The following GRIN2A variants were observed in gnomAD, a reference collection of about 807,000 sequenced individuals.
The protein encoded by GRIN2A is glutamate receptor ionotropic, NMDA 2A.
In GRIN2A, 22 loss-of-function variants were observed where a neutral mutation model predicts 113.4. The ratio of observed to expected loss-of-function variants is 0.19; its 90% CI spans 0.14 to 0.28. GRIN2A has a LOEUF of 0.28. GRIN2A is among the 10% of genes least tolerant of loss of function. The pLI, the probability that GRIN2A is intolerant of heterozygous loss-of-function variation, is 1.00. For missense variants in GRIN2A, 1,502 were observed against 1,887.0 expected, an observed-to-expected ratio of 0.80 and a Z score of 3.78; for synonymous variants, 827 against 738.4, an observed-to-expected ratio of 1.12 and a Z score of -1.94.
At chr16:10,174,356 G>T (rs932401902) in intron 2 of GRIN2A, among the ~76,000 whole-genome samples, 2 of 152,168 alleles carry the variant, frequency 1.3e-5, no homozygotes, top group Non-Finnish European at 2.9e-5. Flanking sequence ...GCTGACATGG[G>T]CTCTGGCTTA....
At chr16:10,166,592 A>G (rs1379008358) in intron 2 of GRIN2A, among the ~76,000 whole-genome samples, 1 of 152,210 alleles carries the variant, frequency 6.6e-6, no homozygotes, top group Non-Finnish European at 1.5e-5. Context: ...CCGTGAATAC[A>G]ATCATACTGC....
At chr16:10,138,044 A>G (rs2142243217) in intron 2 of GRIN2A, among the ~76,000 whole-genome samples, 1 of 152,346 alleles carries the variant, frequency 6.6e-6, no homozygotes, top group Middle Eastern at 3.4e-3. Flanking sequence ...TGAGACTCTG[A>G]CCATATGAAT....
chr16:10,130,179 A>G (rs1448257), intron 2 of GRIN2A, among the ~76,000 whole-genome samples: 10,787 of 152,298 alleles, frequency 0.071, 461 homozygotes, highest in African/African-American at 0.11. Context: ...CTGGGAAATG[A>G]TAGAGGCAGA....
At chr16:9,929,069 C>A (rs2044531051) in intron 3 of GRIN2A, among the ~76,000 whole-genome samples, 1 of 152,182 alleles carries the variant, frequency 6.6e-6, no homozygotes, top group South Asian at 2.1e-4. Context: ...TCTTTCTCTC[C>A]AACATTCTCC....
chr16:10,068,427 G>C (rs140290535), intron 2 of GRIN2A, among the ~76,000 whole-genome samples: 2,192 of 152,300 alleles, frequency 0.014, 29 homozygotes, highest in South Asian at 0.065. Flanking sequence ...AGGTGAAGGG[G>C]GAGCAGGCAC....
chr16:9,812,029 A>C (rs570593645), intron 10 of GRIN2A, among the ~76,000 whole-genome samples: 6 of 152,224 alleles, frequency 3.9e-5, no homozygotes, highest in Non-Finnish European at 7.3e-5. Context: ...TGAAGTAAAA[A>C]TATGACGAAA....
At position 10,097,853 on chromosome 16, in the gene GRIN2A, C is replaced by G. The variant is rs186661218; in HGVS notation, c.414+82145G>C. On this transcript the variant is annotated intron_variant, in intron 2 of 12. Coordinates refer to ENST00000330684, the MANE Select transcript of GRIN2A (RefSeq NM_001134407.3). Reference sequence around the variant, plus strand: ...ACCATAAAAATTCTAGAAGGTAACACGGGAAAATCCCTTCTAGACATTGGA... The same window carrying G: ...ACCATAAAAATTCTAGAAGGTAACAGGGGAAAATCCCTTCTAGACATTGGA... Among the ~76,000 whole-genome samples the G allele has an allele frequency of 3.9e-5, 6 of 152,214 alleles. No individual in the cohort carries two copies. In the East Asian group the frequency reaches 1.2e-3, roughly 29 times the overall value.
Position 9,760,676 on chromosome 16 carries a change from T to G in GRIN2A, c.*2473A>C, listed in dbSNP as rs1469104357. The G allele has an allele frequency of 1.8e-5, 4 of 226,060 alleles. No homozygotes were observed. The highest frequency in any genetic ancestry group is 3.5e-5 in the Non-Finnish European group (4 of 113,686). The allele number at this position is 226,060 out of a possible 1,614,324, so 14.0% of individuals were successfully genotyped here. A position where few individuals can be genotyped will look rare whatever the true frequency, so the allele number is the denominator to read the frequency against. ...GTCCAAGTATAACTCTCACTCTCCC[T>G]GGAGGTCTCTGTGGCATTTGGCAGC... On this transcript the variant is annotated 3_prime_UTR_variant, in exon 13 of 13. Coordinates refer to ENST00000330684, the MANE Select transcript of GRIN2A (RefSeq NM_001134407.3).
chr16:9,999,228 C>G (rs2046280208), intron 2 of GRIN2A, among the ~76,000 whole-genome samples: 1 of 152,182 alleles, frequency 6.6e-6, no homozygotes, highest in South Asian at 2.1e-4. Flanking sequence ...TGGTATCAGA[C>G]TGCCTGGGTT....
chr16:9,888,938 C>T (rs531656627), intron 4 of GRIN2A, among the ~76,000 whole-genome samples: 3 of 152,056 alleles, frequency 2.0e-5, no homozygotes, highest in African/African-American at 7.2e-5. Flanking sequence ...TTGCATTCCT[C>T]AGATAGCCCC....
rs375205206 is a variant in GRIN2A at position 9,756,553 on chromosome 16, G to A, written c.*6596C>T. The A allele has an allele frequency of 2.4e-4, 50 of 208,372 alleles. 1 individual carries two copies. The highest frequency in any genetic ancestry group is 2.0e-3 in the East Asian group (28 of 13,934). 12.9% of individuals were successfully genotyped at this position (208,372 alleles called of 1,614,324 possible). A position where few individuals can be genotyped will look rare whatever the true frequency, so the allele number is the denominator to read the frequency against. ...CAGGCACTTTGAAAATATGTCTAAC[G>A]TTAGGGATTTACTAGCTAATTCTAG... On this transcript the variant is annotated 3_prime_UTR_variant, in exon 13 of 13. Coordinates refer to ENST00000330684, the MANE Select transcript of GRIN2A (RefSeq NM_001134407.3).
chr16:9,974,848 T>C (rs1041506332), intron 2 of GRIN2A, among the ~76,000 whole-genome samples: 7 of 152,218 alleles, frequency 4.6e-5, no homozygotes, highest in Admixed American at 4.6e-4. Context: ...TCTGGCCTAA[T>C]TGCTCTGGCT....
chr16:10,048,579 G>A (rs1057499003), intron 2 of GRIN2A, among the ~76,000 whole-genome samples: 1 of 152,140 alleles, frequency 6.6e-6, no homozygotes, highest in Non-Finnish European at 1.5e-5. Flanking sequence ...GAATAAGTCT[G>A]CATTTGCTCA....
intron 2 of GRIN2A, among the ~76,000 whole-genome samples, chr16:10,166,355 T>G (rs1482109258): frequency 6.6e-6 from 1 of 152,162 alleles, no homozygotes; most frequent in Non-Finnish European, 1.5e-5. Flanking sequence ...ACTGGCAGCC[T>G]TGAGGAACAG....
intron 4 of GRIN2A, among the ~76,000 whole-genome samples, chr16:9,857,542 A>C (rs897825654): frequency 1.3e-5 from 2 of 152,222 alleles, no homozygotes; most frequent in African/African-American, 4.8e-5. Context: ...AGTTGCCAGG[A>C]GTTTAAACTT....
intron 2 of GRIN2A, among the ~76,000 whole-genome samples, chr16:9,953,631 AAAG>A (rs2045234363): frequency 6.6e-6 from 1 of 152,126 alleles, no homozygotes; most frequent in African/African-American, 2.4e-5. Context: ...TCCCCTAACA[AAAG>A]AAGGAGAGTG....
intron 2 of GRIN2A, among the ~76,000 whole-genome samples, chr16:10,105,362 TA>T (rs2048477736): frequency 6.6e-6 from 1 of 152,018 alleles, no homozygotes; most frequent in African/African-American, 2.4e-5. Context: ...AGCTGGGAAA[TA>T]GAACAGTCAC....
intron 2 of GRIN2A, among the ~76,000 whole-genome samples, chr16:10,129,381 AAC>A (rs2049015833): frequency 7.4e-6 from 1 of 135,954 alleles, no homozygotes; most frequent in Admixed American, 7.6e-5. Flanking sequence ...TTAAAAAAAA[AAC>A]AAAACACTAA....
chr16:9,898,322 C>T (rs190162235), intron 3 of GRIN2A, among the ~76,000 whole-genome samples: 220 of 152,282 alleles, frequency 1.4e-3, no homozygotes, highest in Non-Finnish European at 2.1e-3. Flanking sequence ...ATTTAGTATA[C>T]TCATTTCCAG....
Sources: allele counts gnomAD v4.1 joint callset (sites outside exome capture counted in the v4.1 genomes callset), GRCh38; gene constraint gnomAD v4.1.1; transcripts MANE v1.5; gene names NCBI Gene and HGNC (gene_info 2026-07-23, HGNC 2026-07-21).